The following PCDHGA3 variants were observed in gnomAD, a reference collection of about 807,000 sequenced individuals.
PCDHGA3 encodes the protein protocadherin gamma subfamily A, 3, also known as protocadherin gamma-A3.
PCDHGA3 carries 40 observed loss-of-function variants against 58.5 expected under a neutral mutation model. The observed-to-expected ratio is 0.68, with a 90% confidence interval of 0.53 to 0.89. PCDHGA3 has a LOEUF of 0.89. Among genes scored for constraint, PCDHGA3 ranks in the 40% least tolerant of loss-of-function variants. The pLI is 0.00. For missense variants in PCDHGA3, 1,223 were observed against 1,195.9 expected, an observed-to-expected ratio of 1.02 and a Z score of -0.33; for synonymous variants, 530 against 525.7, an observed-to-expected ratio of 1.01 and a Z score of -0.11.
At chr5:141,409,587 C>G (rs13184186) in intron 1 of PCDHGA3, 1 of 1,613,902 alleles carries the variant, frequency 6.2e-7, no homozygotes, top group Non-Finnish European at 8.5e-7. Context: ...GTCCACGTGG[C>G]CGAGAACAAC....
Position 141,345,021 on chromosome 5 carries a change from A to C in PCDHGA3, c.988A>C (p.Arg330=). Residue 330 remains arginine, a synonymous_variant, in exon 1 of 4, where the codon AGA becomes CGA. Transcript: ENST00000253812. ...EAQDGPGLLS[R]AKILVTVLDV... ...ACAGGATGGACCAGGTCTTCTTTCA[A>C]GAGCCAAGATTCTAGTCACGGTTCT... 6.2e-7 allele frequency: 1 copy of C among 1,614,020 alleles called. No homozygotes were observed. Among genetic ancestry groups the C allele is most frequent in the East Asian group, 2.2e-5 (1 of 44,880 alleles).
chr5:141,486,153 C>A lies in PCDHGA3; in HGVS notation c.2425-8654C>A, dbSNP rs1330257915. On this transcript the variant is annotated intron_variant, in intron 1 of 3. Coordinates refer to ENST00000253812, the MANE Select transcript of PCDHGA3 (RefSeq NM_018916.4). This position sits in a 1 kb window ranked among gnomAD's most constrained non-coding sequence, Gnocchi z 5.0. ...GATGTGCGGGCTCGCGATGGGGGTTCTCCAGCCATGGAGCAACATTGCAGC... is the reference window on the plus strand; with the variant it reads ...GATGTGCGGGCTCGCGATGGGGGTTATCCAGCCATGGAGCAACATTGCAGC... 6.2e-7 allele frequency: 1 copy of A among 1,614,202 alleles called. No individual in the cohort carries two copies. The highest frequency in any genetic ancestry group is 1.7e-5 in the Admixed American group (1 of 60,022).
chr5:141,382,530 G>A (rs1043069134), intron 1 of PCDHGA3, among the ~76,000 whole-genome samples: 2 of 152,150 alleles, frequency 1.3e-5, no homozygotes, highest in Non-Finnish European at 2.9e-5. Context: ...GTCTTAAAAT[G>A]GATTTTTAAT....
Position 141,343,938 on chromosome 5 carries a change from G to A in PCDHGA3, c.-96G>A. 1 of 1,155,512 alleles carries A rather than the reference G, an allele frequency of 8.7e-7. No homozygotes were observed. The highest frequency in any genetic ancestry group is 1.6e-5 in the African/African-American group (1 of 64,362). The allele number at this position is 1,155,512 out of a possible 1,614,324, so 71.6% of individuals were successfully genotyped here. A position where few individuals can be genotyped will look rare whatever the true frequency, so the allele number is the denominator to read the frequency against. Reference sequence around the variant, plus strand: ...AACCAGCTGTTTGACCTGTGAATTAGGCCCGTAAAAGACTTCGTTTCTTGA... The same window carrying A: ...AACCAGCTGTTTGACCTGTGAATTAAGCCCGTAAAAGACTTCGTTTCTTGA... On this transcript the variant is annotated 5_prime_UTR_variant, in exon 1 of 4. Coordinates refer to ENST00000253812, the MANE Select transcript of PCDHGA3 (RefSeq NM_018916.4).
At position 141,343,875 on chromosome 5, in the gene PCDHGA3, A is replaced by G. The variant is rs1588456790; in HGVS notation, c.-159A>G. 3.3e-6 allele frequency: 2 copies of G among 611,288 alleles called. No individual in the cohort carries two copies. The highest frequency in any genetic ancestry group is 5.8e-5 in the South Asian group (2 of 34,666). 37.9% of individuals were successfully genotyped at this position (611,288 alleles called of 1,614,324 possible). A position where few individuals can be genotyped will look rare whatever the true frequency, so the allele number is the denominator to read the frequency against. ...TGCAAAGAACCAGCAAATCAGACTC[A>G]GAAGATCCGGGGCGGCTGCCAACCT... On this transcript the variant is annotated 5_prime_UTR_variant, in exon 1 of 4. Coordinates refer to ENST00000253812, the MANE Select transcript of PCDHGA3 (RefSeq NM_018916.4).
chr5:141,414,255 G>A (rs776584940), intron 1 of PCDHGA3: 12 of 1,613,350 alleles, frequency 7.4e-6, no homozygotes, highest in Non-Finnish European at 1.0e-5. Flanking sequence ...TTAGTCCAGT[G>A]ACTGAAGATT....
intron 1 of PCDHGA3, among the ~76,000 whole-genome samples, chr5:141,455,137 G>A (rs892739175): frequency 2.7e-5 from 4 of 150,642 alleles, no homozygotes; most frequent in African/African-American, 9.8e-5. Flanking sequence ...ATTACACTGT[G>A]TTAAATAAAT....
chr5:141,416,859 G>A (rs1411419006), intron 1 of PCDHGA3: 1 of 151,936 alleles, frequency 6.6e-6, no homozygotes, highest in South Asian at 2.1e-4. Context: ...ATTTTTTTCA[G>A]GTCAGTCAAC....
At chr5:141,407,505 T>TTTTTTTTTTTTTTTTTTTTTTGAGACGG (rs1460306566) in intron 1 of PCDHGA3, among the ~76,000 whole-genome samples, 2 of 152,142 alleles carry the variant, frequency 1.3e-5, no homozygotes, top group African/African-American at 2.4e-5. Context: ...CTGTTTTTCT[T>TTTTTTTTTTTTTTTTTTTTTTGAGACGG]AGGCTATGTA....
At chr5:141,436,473 C>CA (rs2097825744) in intron 1 of PCDHGA3, among the ~76,000 whole-genome samples, 1 of 152,112 alleles carries the variant, frequency 6.6e-6, no homozygotes, top group Non-Finnish European at 1.5e-5. Context: ...TCAGATGTAT[C>CA]ATAGAAGGAT....
chr5:141,362,239 C>T, intron 1 of PCDHGA3: 1 of 1,614,060 alleles, frequency 6.2e-7, no homozygotes, highest in Non-Finnish European at 8.5e-7. Flanking sequence ...GATCTCAGTG[C>T]TCTTCTTCCT....
At chr5:141,443,328 A>C (rs569134076) in intron 1 of PCDHGA3, among the ~76,000 whole-genome samples, 24 of 151,794 alleles carry the variant, frequency 1.6e-4, no homozygotes, top group African/African-American at 4.8e-4. Context: ...AAAAAAAAAA[A>C]ACAAAAATTA....
At chr5:141,496,178 C>T (rs1481326898) in intron 2 of PCDHGA3, among the ~76,000 whole-genome samples, 2 of 152,080 alleles carry the variant, frequency 1.3e-5, no homozygotes, top group Admixed American at 1.3e-4. Flanking sequence ...CCCATCCAAG[C>T]AGCCCCAGCT....
rs1161188105 is a variant in PCDHGA3, at chr5:141,427,974, G to A, written c.2425-66833G>A. 9 of 1,594,458 alleles carry A rather than the reference G, an allele frequency of 5.6e-6. No individual in the cohort carries two copies. In the Admixed American group the frequency reaches 1.5e-4, roughly 27 times the overall value. ...CAATGTGCCGCGGGTGCTGTACCCC[G>A]CGCTGGGGCCCGATGGCTCCGCACT... On this transcript the variant is annotated intron_variant, in intron 1 of 3. Transcript: ENST00000253812.
At chr5:141,428,120 C>A in intron 1 of PCDHGA3, 1 of 1,606,526 alleles carries the variant, frequency 6.2e-7, no homozygotes, top group Non-Finnish European at 8.5e-7. Flanking sequence ...CCATCGAGCC[C>A]GGGCTTTTCA....
Position 141,511,015 on chromosome 5 carries a change from C to A in PCDHGA3, c.2641C>A (p.Pro881Thr). Residue 881 changes from proline (P) to threonine (T), a missense_variant, in exon 4 of 4, where the codon CCC becomes ACC. This residue lies in a region of PCDHGA3 where 325 missense variants were observed against 327.5 expected (regional missense o/e 0.99). Coordinates refer to ENST00000253812, the MANE Select transcript of PCDHGA3 (RefSeq NM_018916.4). ...GTMGLSARYG[P>T]QFTLQHVPDY... ...CATGGGATTGAGCGCCCGCTACGGA[C>A]CCCAGTTCACCCTGCAGCACGTGCC... 6.2e-7 allele frequency: 1 copy of A among 1,614,224 alleles called. No individual in the cohort carries two copies. The highest frequency in any genetic ancestry group is 8.5e-7 in the Non-Finnish European group (1 of 1,180,038).
At position 141,491,765 on chromosome 5, in the gene PCDHGA3, A is replaced by C; in HGVS notation, c.2425-3042A>C. 1 of 1,569,230 alleles carries C rather than the reference A, an allele frequency of 6.4e-7. No homozygotes were observed. On this transcript the variant is annotated intron_variant, in intron 1 of 3. Coordinates refer to ENST00000253812, the MANE Select transcript of PCDHGA3 (RefSeq NM_018916.4). This position sits in a 1 kb window ranked among gnomAD's most constrained non-coding sequence, Gnocchi z 6.9. The stretch of plus-strand genomic sequence containing the variant: ...GGCACTGGAGAAGCCGCCCGTCCTC[A>C]TAAGGGATTGAACTTGCATCCACTC...
At chr5:141,394,910 C>T in intron 1 of PCDHGA3, 1 of 1,613,766 alleles carries the variant, frequency 6.2e-7, no homozygotes. Context: ...CAGTGGCTGC[C>T]ATCTCCTGTG....
chr5:141,422,719 CA>C (rs2096667277), intron 1 of PCDHGA3: 1 of 1,604,786 alleles, frequency 6.2e-7, no homozygotes, highest in Admixed American at 1.7e-5. Flanking sequence ...TGACACTGTC[CA>C]GGGGGTGCCT....
Sources: allele counts gnomAD v4.1 joint callset (sites outside exome capture counted in the v4.1 genomes callset), GRCh38; gene constraint gnomAD v4.1.1; regional missense constraint gnomAD v4.1.1; non-coding constraint Gnocchi (gnomAD v3.1); transcripts MANE v1.5; gene names NCBI Gene and HGNC (gene_info 2026-07-23, HGNC 2026-07-21).